The following KIF26A variants were observed in gnomAD, a reference collection of about 807,000 sequenced individuals.
KIF26A encodes the protein kinesin family member 26A.
A neutral mutation model predicts 126.0 loss-of-function variants in KIF26A; 74 were observed. That is an observed-to-expected ratio of 0.59 (90% confidence interval 0.49 to 0.71). The LOEUF (loss-of-function observed/expected upper bound fraction) is 0.71, where lower values mean the gene tolerates loss of function less well. Among genes scored for constraint, KIF26A ranks in the 30% least tolerant of loss-of-function variants. The pLI is 0.00. For missense variants in KIF26A, 2,984 were observed against 2,763.3 expected (o/e 1.08, Z -1.79); for synonymous variants, 1,445 against 1,232.7 (o/e 1.17, Z -3.61).
At chr14:104,161,347 C>T (rs560447383) in intron 4 of KIF26A, among the ~76,000 whole-genome samples, 135 of 152,246 alleles carry the variant, frequency 8.9e-4, no homozygotes, top group Middle Eastern at 3.4e-3. Flanking sequence ...CAGCCTCGCA[C>T]GGCCCAGTGT....
chr14:104,149,185 A>T (rs2037705592), intron 2 of KIF26A, among the ~76,000 whole-genome samples: 1 of 152,082 alleles, frequency 6.6e-6, no homozygotes, highest in Non-Finnish European at 1.5e-5. Flanking sequence ...GGTTGGAGAG[A>T]TGGCCCCTGC....
chr14:104,138,897 G>A, intron 1 of KIF26A, 133 bp downstream of exon 1: 1 of 1,247,854 alleles, frequency 8.0e-7, no homozygotes, highest in Non-Finnish European at 1.0e-6. Context: ...CGGGACCTCC[G>A]GGGATGGAGG....
At chr14:104,170,129 G>T (rs117606037) in intron 5 of KIF26A, among the ~76,000 whole-genome samples, 2 of 152,180 alleles carry the variant, frequency 1.3e-5, no homozygotes, top group Admixed American at 1.3e-4. Context: ...GCCTCTCCAC[G>T]CCACTCCTTC....
At chr14:104,147,620 C>T (rs561483399) in intron 2 of KIF26A, among the ~76,000 whole-genome samples, 9 of 152,354 alleles carry the variant, frequency 5.9e-5, no homozygotes, top group Non-Finnish European at 1.3e-4. Context: ...TGCCCCCCGC[C>T]CTGATGGGCT....
rs1225089626 is a variant in KIF26A at position 104,179,352 on chromosome 14, G to A, written c.5433G>A (p.Arg1811=). 3.9e-6 allele frequency: 6 copies of A among 1,537,912 alleles called. No homozygotes were observed. The East Asian group carries it at 1.2e-4, about 31-fold the overall frequency. The part of the protein sequence containing the change: ...LCEELAETQG[R]LMLEPGRWLE... ...AGGAGCTGGCCGAGACCCAGGGCCG[G>A]CTGATGCTGGAGCCTGGCCGCTGGC... The change falls in exon 14 of 15, where the codon CGG becomes CGA. Residue 1811 remains arginine (R), a synonymous_variant. Coordinates refer to ENST00000423312, the MANE Select transcript of KIF26A (RefSeq NM_015656.2).
In KIF26A at chr14:104,179,238, T is replaced by C; in HGVS notation, c.5319T>C (p.Gly1773=). The C allele has an allele frequency of 1.3e-6, 2 of 1,482,174 alleles. No homozygotes were observed. Among genetic ancestry groups the C allele is most frequent in the Non-Finnish European group, 1.8e-6 (2 of 1,120,798 alleles). The allele number at this position is 1,482,174 out of a possible 1,614,324, so 91.8% of individuals were successfully genotyped here. A position where few individuals can be genotyped will look rare whatever the true frequency, so the allele number is the denominator to read the frequency against. ...CCCCCGCCCGCCCTGCCTCCCAGGG[T>C]CTGGCGTGCGTCAGTACAAGGCTGC... ...RPTPREAPTQ[G]LACVSTRLRL... Residue 1773 remains glycine (G), a splice_region_variant and synonymous_variant, in exon 14 of 15, where the codon GGT becomes GGC. Coordinates refer to ENST00000423312, the MANE Select transcript of KIF26A (RefSeq NM_015656.2).
chr14:104,162,190 G>A (rs74090206), intron 4 of KIF26A, among the ~76,000 whole-genome samples: 2,031 of 152,320 alleles, frequency 0.013, 49 homozygotes, highest in African/African-American at 0.047. Context: ...AGCAGGCACC[G>A]GGAGGGCCCA....
In KIF26A at chr14:104,175,911, C is replaced by T. The variant is rs2038018280; in HGVS notation, c.3123C>T (p.Ser1041=). The T allele has an allele frequency of 6.5e-7, 1 of 1,546,302 alleles. No individual in the cohort carries two copies. The highest frequency in any genetic ancestry group is 8.7e-7 in the Non-Finnish European group (1 of 1,151,200). Residue 1041 remains serine (S), a synonymous_variant, in exon 12 of 15, where the codon TCC becomes TCT. Coordinates refer to ENST00000423312, the MANE Select transcript of KIF26A (RefSeq NM_015656.2). ...ELVFTVVEEL[S]LGALAGAGRP... ...TGTTCACGGTGGTGGAGGAGCTGTCCCTGGGGGCGCTTGCCGGAGCTGGGC... is the reference window on the plus strand; with the variant it reads ...TGTTCACGGTGGTGGAGGAGCTGTCTCTGGGGGCGCTTGCCGGAGCTGGGC...
chr14:104,147,176 C>T (rs2037687946), intron 2 of KIF26A, among the ~76,000 whole-genome samples: 1 of 152,186 alleles, frequency 6.6e-6, no homozygotes, highest in South Asian at 2.1e-4. Flanking sequence ...ATGAGCCTGC[C>T]CCTCTGCCAC....
chr14:104,149,001 C>T (rs976963784), intron 2 of KIF26A, among the ~76,000 whole-genome samples: 5 of 152,170 alleles, frequency 3.3e-5, no homozygotes, highest in African/African-American at 7.2e-5. Flanking sequence ...TGAGTGGCCC[C>T]GGCAAGCAGC....
chr14:104,173,373 C>A lies in KIF26A; in HGVS notation c.1727C>A (p.Ala576Glu). The change falls in exon 9 of 15, where the codon GCG (alanine) becomes GAG (glutamate). Residue 576 changes from alanine (A) to glutamate (E), a missense_variant. By Grantham distance (107) the Ala-to-Glu change is moderately radical (BLOSUM62 -1). Coordinates refer to ENST00000423312, the MANE Select transcript of KIF26A (RefSeq NM_015656.2). ...CTGCGGGCACCCACGGCCGAGAAGG[C>A]GGCTTTCTACCTGGATGCGGCCCTG... Reference protein sequence around the residue: ...SELRAPTAEKAAFYLDAALAA... With the variant: ...SELRAPTAEKEAFYLDAALAA... 6.3e-7 allele frequency: 1 copy of A among 1,594,656 alleles called. No individual in the cohort carries two copies. The highest frequency in any genetic ancestry group is 8.5e-7 in the Non-Finnish European group (1 of 1,171,714).
rs765014920 is a variant in KIF26A at position 104,175,154 on chromosome 14, C to T, written c.2366C>T (p.Thr789Met). 1.3e-4 allele frequency: 213 copies of T among 1,607,318 alleles called. No individual in the cohort carries two copies. The highest frequency in any genetic ancestry group is 1.8e-4 in the Non-Finnish European group (209 of 1,177,898). The part of the protein sequence containing the change: ...YSSSSEQSCD[T>M]VIYVGPGGAA... ...TCCAGCAGCGAGCAGTCCTGTGACA[C>T]GGTCATCTACGTGGGGCCCGGTGGG... Residue 789 changes from threonine to methionine, a missense_variant, in exon 12 of 15, where the codon ACG (threonine) becomes ATG (methionine). By Grantham distance (81) the Thr-to-Met change is moderately conservative (BLOSUM62 -1). Coordinates refer to ENST00000423312, the MANE Select transcript of KIF26A (RefSeq NM_015656.2).
chr14:104,155,331 C>A (rs1301011350), intron 3 of KIF26A, among the ~76,000 whole-genome samples: 1 of 152,210 alleles, frequency 6.6e-6, no homozygotes, highest in Middle Eastern at 3.2e-3. Context: ...CTCCACGGAA[C>A]CCTGGTGTTC....
At chr14:104,158,227 T>C (rs569868728) in intron 4 of KIF26A, among the ~76,000 whole-genome samples, 2 of 152,350 alleles carry the variant, frequency 1.3e-5, no homozygotes, top group Admixed American at 1.3e-4. Context: ...TCCCTGCCTC[T>C]TCTGAGCTGT....
chr14:104,165,254 CAT>C lies in KIF26A; in HGVS notation c.924-1604_924-1603del, dbSNP rs1032388051. Reference sequence around the variant, plus strand: ...GCATGTGTGTCTCTGTCTCCATATGCATGTGTGTGTCTGTATCTCTATGCATG... The same window carrying C: ...GCATGTGTGTCTCTGTCTCCATATGCGTGTGTGTCTGTATCTCTATGCATG... On this transcript the variant is annotated intron_variant, in intron 4 of 14. Coordinates refer to ENST00000423312, the MANE Select transcript of KIF26A (RefSeq NM_015656.2). 1.5e-4 allele frequency among the ~76,000 whole-genome samples: 22 copies of C among 144,568 alleles called. 1 individual carries two copies. Among genetic ancestry groups the C allele is most frequent in the Non-Finnish European group, 2.6e-4 (17 of 66,178 alleles). 94.8% of individuals were successfully genotyped at this position (144,568 alleles called of 152,430 possible).
intron 2 of KIF26A, among the ~76,000 whole-genome samples, chr14:104,150,721 C>G (rs762404985): frequency 6.6e-6 from 1 of 152,192 alleles, no homozygotes; most frequent in African/African-American, 2.4e-5. Context: ...GGAGTCCGGT[C>G]TTGCCTGGAA....
At chr14:104,173,667 C>A (rs746030395) in intron 9 of KIF26A, 39 bp from the exon 10 acceptor site, 1 of 1,603,492 alleles carries the variant, frequency 6.2e-7, no homozygotes. Flanking sequence ...ATCTGGGGGC[C>A]CCTGGCTACA....
intron 4 of KIF26A, among the ~76,000 whole-genome samples, chr14:104,161,485 G>A (rs554101382): frequency 7.2e-5 from 11 of 152,326 alleles, no homozygotes; most frequent in East Asian, 1.9e-4. Context: ...GTTTGGAAGC[G>A]GTGATTTTTC....
intron 2 of KIF26A, among the ~76,000 whole-genome samples, chr14:104,150,982 G>A (rs2037724034): frequency 1.3e-5 from 2 of 152,190 alleles, no homozygotes; most frequent in Admixed American, 1.3e-4. Flanking sequence ...CAGAGAGCAG[G>A]ACAGACACTG....
Sources: allele counts gnomAD v4.1 joint callset (sites outside exome capture counted in the v4.1 genomes callset), GRCh38; gene constraint gnomAD v4.1.1; transcripts MANE v1.5; gene names NCBI Gene and HGNC (gene_info 2026-07-23, HGNC 2026-07-21).